The following LRRC4C variants were observed in gnomAD, a reference collection of about 807,000 sequenced individuals.
LRRC4C encodes the protein leucine rich repeat containing 4C.
In LRRC4C, 5 loss-of-function variants were observed where a neutral mutation model predicts 33.6. The ratio of observed to expected loss-of-function variants is 0.15; its 90% CI spans 0.08 to 0.31. The LOEUF is 0.31. Ranked by LOEUF, LRRC4C falls within the 10% of genes least tolerant of loss-of-function variation. The pLI is 1.00. For missense variants in LRRC4C, 560 were observed against 796.7 expected (o/e 0.70, Z 3.58); for synonymous variants, 329 against 302.0 (o/e 1.09, Z -0.93).
chr11:41,149,510 CAAA>C (rs57914595), intron 1 of LRRC4C, among the ~76,000 whole-genome samples: 10 of 55,516 alleles, frequency 1.8e-4, no homozygotes, highest in African/African-American at 6.3e-4. Context: ...ACTCCGTCTC[CAAA>C]AAAAAAAAAA....
intron 1 of LRRC4C, among the ~76,000 whole-genome samples, chr11:41,176,583 G>C (rs1200644783): frequency 6.6e-6 from 1 of 152,032 alleles, no homozygotes; most frequent in East Asian, 1.9e-4. Flanking sequence ...CTTTAAAGAA[G>C]AAATTGACAG....
chr11:40,165,485 T>A (rs1859514733), intron 5 of LRRC4C, among the ~76,000 whole-genome samples: 2 of 152,056 alleles, frequency 1.3e-5, no homozygotes, highest in Admixed American at 1.3e-4. Flanking sequence ...TAAAAATTAG[T>A]GAGGAGTAGA....
At chr11:41,143,124 A>G (rs1943582073) in intron 1 of LRRC4C, among the ~76,000 whole-genome samples, 1 of 152,090 alleles carries the variant, frequency 6.6e-6, no homozygotes, top group African/African-American at 2.4e-5. Flanking sequence ...GTGTCCTTCT[A>G]TGGAAAGTGC....
At chr11:40,941,369 T>G (rs996065094) in intron 1 of LRRC4C, among the ~76,000 whole-genome samples, 1 of 152,108 alleles carries the variant, frequency 6.6e-6, no homozygotes, top group Admixed American at 6.6e-5. Flanking sequence ...ATAAATGCTC[T>G]CACATAGATT....
intron 4 of LRRC4C, among the ~76,000 whole-genome samples, chr11:40,277,948 A>G (rs1943229818): frequency 6.6e-6 from 1 of 152,160 alleles, no homozygotes. Context: ...TGGTACTCAA[A>G]AAAGTGGCAG....
At chr11:41,409,237 T>C (rs981666019) in intron 1 of LRRC4C, among the ~76,000 whole-genome samples, 1 of 152,196 alleles carries the variant, frequency 6.6e-6, no homozygotes, top group African/African-American at 2.4e-5. Flanking sequence ...TTCTCTAAAG[T>C]CAGCAAAATG....
intron 5 of LRRC4C, among the ~76,000 whole-genome samples, chr11:40,208,115 GA>G (rs1284178244): frequency 2.0e-5 from 3 of 152,044 alleles, no homozygotes; most frequent in African/African-American, 7.2e-5. Context: ...GAAATTTTCA[GA>G]AAAAAGTACA....
chr11:41,090,572 G>C (rs1940339367), intron 1 of LRRC4C, among the ~76,000 whole-genome samples: 1 of 152,076 alleles, frequency 6.6e-6, no homozygotes, highest in Non-Finnish European at 1.5e-5. Context: ...CAGCTACTTT[G>C]TCCTGGGTAT....
At chr11:40,522,959 G>A (rs56154303) in intron 3 of LRRC4C, among the ~76,000 whole-genome samples, 9,848 of 152,162 alleles carry the variant, frequency 0.065, 841 homozygotes, top group African/African-American at 0.2. Context: ...TCTATGGAAC[G>A]TTTAGGTTAA....
intron 1 of LRRC4C, among the ~76,000 whole-genome samples, chr11:41,366,759 T>C (rs1046123232): frequency 2.0e-5 from 3 of 152,086 alleles, no homozygotes; most frequent in African/African-American, 4.8e-5. Context: ...GGGACAGATA[T>C]ACACAGAGGG....
intron 3 of LRRC4C, among the ~76,000 whole-genome samples, chr11:40,476,914 C>T (rs1226318753): frequency 6.6e-6 from 1 of 152,124 alleles, no homozygotes; most frequent in Non-Finnish European, 1.5e-5. Context: ...TTTATCCTAT[C>T]CTAAGATCAA....
intron 3 of LRRC4C, among the ~76,000 whole-genome samples, chr11:40,612,462 G>T (rs1329980970): frequency 2.0e-5 from 3 of 151,972 alleles, no homozygotes; most frequent in Non-Finnish European, 4.4e-5. Flanking sequence ...CTAAAGATCT[G>T]CTGTATAACA....
intron 4 of LRRC4C, among the ~76,000 whole-genome samples, chr11:40,260,805 C>G (rs1351237034): frequency 1.3e-5 from 2 of 152,140 alleles, no homozygotes; most frequent in African/African-American, 4.8e-5. Context: ...TTAATTCAAT[C>G]TCTTTCAAAG....
chr11:40,550,808 GAAAAAA>G (rs5791385), intron 3 of LRRC4C, among the ~76,000 whole-genome samples: 4 of 147,920 alleles, frequency 2.7e-5, no homozygotes, highest in Non-Finnish European at 6.0e-5. Context: ...ATTTTGGGTG[GAAAAAA>G]AAAAATACCT....
intron 6 of LRRC4C, among the ~76,000 whole-genome samples, chr11:40,131,392 G>A (rs1311545267): frequency 6.6e-6 from 1 of 152,056 alleles, no homozygotes; most frequent in African/African-American, 2.4e-5. Context: ...TGTAAATAGG[G>A]GATTGAAAAT....
At chr11:41,132,613 T>C (rs1219333708) in intron 1 of LRRC4C, among the ~76,000 whole-genome samples, 1 of 152,126 alleles carries the variant, frequency 6.6e-6, no homozygotes, top group African/African-American at 2.4e-5. Context: ...ATGCTGGAAA[T>C]TAAAACACAA....
At chr11:40,783,572 A>T (rs1032014376) in intron 2 of LRRC4C, among the ~76,000 whole-genome samples, 8 of 152,188 alleles carry the variant, frequency 5.3e-5, no homozygotes, top group Non-Finnish European at 1.2e-4. Context: ...TCAGCCTCCC[A>T]AAGTGCTGAG....
chr11:41,015,355 G>T (rs1047660936), intron 1 of LRRC4C, among the ~76,000 whole-genome samples: 1 of 151,970 alleles, frequency 6.6e-6, no homozygotes, highest in Non-Finnish European at 1.5e-5. Flanking sequence ...TTGAGACAGG[G>T]TCTTGCTCTG....
chr11:40,119,004 A>G (rs1380945292), intron 6 of LRRC4C, among the ~76,000 whole-genome samples: 1 of 152,126 alleles, frequency 6.6e-6, no homozygotes, highest in African/African-American at 2.4e-5. Context: ...ATCCAGTTTC[A>G]AGGCCAGCAC....
Sources: allele counts gnomAD v4.1 joint callset (sites outside exome capture counted in the v4.1 genomes callset), GRCh38; gene constraint gnomAD v4.1.1; transcripts MANE v1.5; gene names NCBI Gene and HGNC (gene_info 2026-07-23, HGNC 2026-07-21).